The following JAKMIP3 variants were observed in gnomAD, a reference collection of about 807,000 sequenced individuals.
JAKMIP3 encodes the protein Janus kinase and microtubule interacting protein 3.
In JAKMIP3, 58 loss-of-function variants were observed where a neutral mutation model predicts 118.5. That is an observed-to-expected ratio of 0.49 (90% CI 0.40 to 0.61). The LOEUF (loss-of-function observed/expected upper bound fraction) is 0.61, where lower values mean the gene tolerates loss of function less well. Ranked by LOEUF, JAKMIP3 falls within the 20% of genes least tolerant of loss-of-function variation. The pLI is 0.00. For synonymous variants in JAKMIP3, 486 were observed against 451.2 expected (o/e 1.08, Z -0.98); for missense variants, 950 against 1,109.0 (o/e 0.86, Z 2.04).
At chr10:132,072,924 A>T (rs969813283) in intron 1 of JAKMIP3, among the ~76,000 whole-genome samples, 2 of 151,944 alleles carry the variant, frequency 1.3e-5, no homozygotes, top group Non-Finnish European at 2.9e-5. Flanking sequence ...TCCACCTTTT[A>T]TAGTCTCCAG....
intron 1 of JAKMIP3, among the ~76,000 whole-genome samples, chr10:132,103,131 T>C (rs1415250566): frequency 6.6e-6 from 1 of 151,894 alleles, no homozygotes; most frequent in East Asian, 1.9e-4. Flanking sequence ...CACTGCCCTG[T>C]AACAGGTGAC....
intron 19 of JAKMIP3, among the ~76,000 whole-genome samples, chr10:132,154,364 G>A (rs2056732674): frequency 2.0e-5 from 3 of 152,328 alleles, no homozygotes; most frequent in Admixed American, 2.0e-4. Context: ...AGAAACTGGT[G>A]GCTGTTCTGG....
chr10:132,174,293 A>AAAT (rs972087188), intron 23 of JAKMIP3, among the ~76,000 whole-genome samples: 2 of 152,066 alleles, frequency 1.3e-5, no homozygotes, highest in African/African-American at 4.8e-5. Context: ...CACATCAGGT[A>AAAT]AATAGAGTCA....
At chr10:132,111,154 C>T (rs2046800561) in intron 2 of JAKMIP3, among the ~76,000 whole-genome samples, 2 of 152,236 alleles carry the variant, frequency 1.3e-5, no homozygotes, top group Non-Finnish European at 2.9e-5. Flanking sequence ...AGGGGCCTGC[C>T]TAGAGGTGGG....
In JAKMIP3 at chr10:132,070,160, T is replaced by C. The variant is rs552833299; in HGVS notation, c.-138+4099T>C. On this transcript the variant is annotated intron_variant, in intron 1 of 23. Transcript: ENST00000684848. ...TTTTTTTTTTTAGTTGCATTTTTAT[T>C]TTTTGAGACAGAGTTTCACTCTTGT... is the stretch of plus-strand genomic sequence containing the variant. 2.5e-4 allele frequency among the ~76,000 whole-genome samples: 38 copies of C among 152,232 alleles called. 1 individual carries two copies. In the South Asian group the frequency reaches 7.7e-3, roughly 31 times the overall value.
intron 3 of JAKMIP3, among the ~76,000 whole-genome samples, chr10:132,126,703 A>G (rs1460531135): frequency 6.6e-6 from 1 of 152,192 alleles, no homozygotes; most frequent in Non-Finnish European, 1.5e-5. Context: ...ATGAATGGTT[A>G]TGGAATTCTG....
intron 3 of JAKMIP3, among the ~76,000 whole-genome samples, chr10:132,127,712 C>T (rs1279229389): frequency 6.6e-6 from 1 of 152,096 alleles, no homozygotes; most frequent in Non-Finnish European, 1.5e-5. Context: ...CTCTCTACTC[C>T]TTGCCTTGGA....
chr10:132,040,476 A>C (rs941845495), intron 1 of JAKMIP3, among the ~76,000 whole-genome samples: 1 of 152,184 alleles, frequency 6.6e-6, no homozygotes, highest in Non-Finnish European at 1.5e-5. Context: ...CCCCAGCCAC[A>C]CACAGAGTTT....
chr10:132,040,295 GC>G, intron 1 of JAKMIP3, among the ~76,000 whole-genome samples: 1 of 152,296 alleles, frequency 6.6e-6, no homozygotes, highest in Middle Eastern at 3.4e-3. Flanking sequence ...CGGCTCCTTG[GC>G]CTCAGACTTC....
intron 1 of JAKMIP3, among the ~76,000 whole-genome samples, chr10:132,078,630 G>T (rs1294761152): frequency 2.7e-5 from 4 of 150,340 alleles, no homozygotes; most frequent in Non-Finnish European, 5.9e-5. Flanking sequence ...GGGGGGGGGG[G>T]GGGGTCCCGT....
intron 1 of JAKMIP3, among the ~76,000 whole-genome samples, chr10:132,041,124 C>T (rs555645433): frequency 4.3e-4 from 66 of 152,234 alleles, no homozygotes; most frequent in African/African-American, 1.5e-3. Context: ...GGTGTGATCT[C>T]AGCTCACTGC....
chr10:132,094,309 AT>A (rs1313964823), intron 1 of JAKMIP3, among the ~76,000 whole-genome samples: 1 of 151,764 alleles, frequency 6.6e-6, no homozygotes, highest in African/African-American at 2.4e-5. Flanking sequence ...AGCTAGTGTG[AT>A]TTTTTTGGGG....
chr10:132,107,852 ACTC>A (rs1471397335), intron 2 of JAKMIP3, among the ~76,000 whole-genome samples: 40 of 152,048 alleles, frequency 2.6e-4, no homozygotes, highest in Non-Finnish European at 5.6e-4. Context: ...ATGCAAAAGA[ACTC>A]CTGCAGGAGA....
At chr10:132,073,073 G>A (rs959119054) in intron 1 of JAKMIP3, among the ~76,000 whole-genome samples, 4 of 152,196 alleles carry the variant, frequency 2.6e-5, no homozygotes, top group African/African-American at 9.7e-5. Context: ...TTCTGCAAAA[G>A]ACATGATTTC....
intron 1 of JAKMIP3, among the ~76,000 whole-genome samples, chr10:132,086,969 A>G (rs2042476552): frequency 6.6e-6 from 1 of 152,178 alleles, no homozygotes; most frequent in Admixed American, 6.5e-5. Flanking sequence ...CTGTGAGATT[A>G]TGCTTTTAAG....
At position 132,133,382 on chromosome 10, in the gene JAKMIP3, ATGCTCAGAGAC is replaced by A. The variant is rs1243422077; in HGVS notation, c.708_718del (p.Gln237AlafsTer8). 2.5e-6 allele frequency: 4 copies of A among 1,602,882 alleles called. No homozygotes were observed. Among genetic ancestry groups the A allele is most frequent in the Non-Finnish European group, 3.4e-6 (4 of 1,174,754 alleles). ...AGAGAGTTAGGGGTTCAAGCCGGGC[ATGCTCAGAGAC>A]TGCAGCTCCAAAAAGAGGCTCTAGA... On this transcript the variant is annotated frameshift_variant, in exon 4 of 24. Transcript: ENST00000684848.
rs1564970472 is a variant in JAKMIP3, at chr10:132,152,519, G to A, written c.2008-439G>A. Reference sequence around the variant, plus strand: ...CTTCCAGGGATTCAGCCATTTCACAGCCATGAACATGTGGTCTCTCCTCCA... The same window carrying A: ...CTTCCAGGGATTCAGCCATTTCACAACCATGAACATGTGGTCTCTCCTCCA... On this transcript the variant is annotated intron_variant, in intron 16 of 23. Transcript: ENST00000684848. 5.3e-5 allele frequency among the ~76,000 whole-genome samples: 8 copies of A among 152,318 alleles called. No individual in the cohort carries two copies. In the South Asian group the frequency reaches 1.7e-3, roughly 32 times the overall value.
At chr10:132,115,294 G>A (rs2047465158) in intron 2 of JAKMIP3, among the ~76,000 whole-genome samples, 7 of 151,936 alleles carry the variant, frequency 4.6e-5, no homozygotes, top group Admixed American at 4.6e-4. Flanking sequence ...TCACCCTGGC[G>A]GGGCACTGAT....
chr10:132,159,775 G>T (rs1424174586), intron 19 of JAKMIP3, among the ~76,000 whole-genome samples: 1 of 17,886 alleles, frequency 5.6e-5, no homozygotes, highest in African/African-American at 2.4e-4. Context: ...ATACTGGGGG[G>T]TCTCTTCCTG....
Sources: allele counts gnomAD v4.1 joint callset (sites outside exome capture counted in the v4.1 genomes callset), GRCh38; gene constraint gnomAD v4.1.1; transcripts MANE v1.5; gene names NCBI Gene and HGNC (gene_info 2026-07-23, HGNC 2026-07-21).